The following CREB5 variants were observed in gnomAD, a reference collection of about 807,000 sequenced individuals.
CREB5 encodes cAMP responsive element binding protein 5, also known as cyclic AMP-responsive element-binding protein 5.
In CREB5, 19 loss-of-function variants were observed where a neutral mutation model predicts 57.1. The observed-to-expected ratio is 0.33, with a 90% CI of 0.23 to 0.49. CREB5 has a LOEUF of 0.49. Ranked by LOEUF, CREB5 falls within the 20% of genes least tolerant of loss-of-function variation. The pLI is 0.99. For missense variants in CREB5, 579 were observed against 671.6 expected, an observed-to-expected ratio of 0.86 and a Z score of 1.52; for synonymous variants, 238 against 238.3, an observed-to-expected ratio of 1.00 and a Z score of 0.01.
At chr7:28,620,285 G>A (rs1454829781) in intron 5 of CREB5, among the ~76,000 whole-genome samples, 1 of 152,062 alleles carries the variant, frequency 6.6e-6, no homozygotes, top group Non-Finnish European at 1.5e-5. Context: ...ACCCAGGCTG[G>A]TCCTTTAATT....
chr7:28,736,313 G>A (rs946664330), intron 7 of CREB5, among the ~76,000 whole-genome samples: 1 of 152,162 alleles, frequency 6.6e-6, no homozygotes, highest in East Asian at 1.9e-4. Flanking sequence ...GGGATTACAG[G>A]CATGCACCAC....
At chr7:28,727,474 G>A (rs1396314463) in intron 7 of CREB5, among the ~76,000 whole-genome samples, 1 of 152,038 alleles carries the variant, frequency 6.6e-6, no homozygotes, top group Admixed American at 6.6e-5. Context: ...GAAGGGGTAG[G>A]GGAAATGCAA....
chr7:28,419,024 G>T (rs897216289), intron 1 of CREB5, among the ~76,000 whole-genome samples: 2 of 152,206 alleles, frequency 1.3e-5, no homozygotes, highest in African/African-American at 4.8e-5. Context: ...CATGTAGCTG[G>T]ATTGATTAGT....
chr7:28,765,929 T>A (rs1319130833), intron 7 of CREB5, among the ~76,000 whole-genome samples: 1 of 152,218 alleles, frequency 6.6e-6, no homozygotes, highest in Non-Finnish European at 1.5e-5. Context: ...AAGTTGTCAC[T>A]GACTCTAATC....
chr7:28,450,704 G>A (rs1789751538), intron 1 of CREB5, among the ~76,000 whole-genome samples: 1 of 152,206 alleles, frequency 6.6e-6, no homozygotes, highest in Non-Finnish European at 1.5e-5. Context: ...ACACAGGGTG[G>A]CAGGAGATAA....
chr7:28,564,495 G>A (rs1795405780), intron 4 of CREB5, among the ~76,000 whole-genome samples: 1 of 152,184 alleles, frequency 6.6e-6, no homozygotes, highest in East Asian at 1.9e-4. Flanking sequence ...CATGCATGCA[G>A]AAAGACAATT....
At chr7:28,626,435 G>A (rs1335372625) in intron 5 of CREB5, among the ~76,000 whole-genome samples, 1 of 152,148 alleles carries the variant, frequency 6.6e-6, no homozygotes, top group Non-Finnish European at 1.5e-5. Context: ...CCCATGAGGT[G>A]TGTTATTATG....
At chr7:28,464,546 G>A (rs1219979699) in intron 1 of CREB5, among the ~76,000 whole-genome samples, 2 of 136,600 alleles carry the variant, frequency 1.5e-5, no homozygotes, top group Non-Finnish European at 3.1e-5. Flanking sequence ...TGTTACTAAT[G>A]CAATCTCTTT....
At chr7:28,555,214 A>G (rs1311433331) in intron 4 of CREB5, among the ~76,000 whole-genome samples, 2 of 152,118 alleles carry the variant, frequency 1.3e-5, no homozygotes, top group African/African-American at 2.4e-5. Flanking sequence ...GGAGCAACAT[A>G]CAAGACAAAG....
chr7:28,718,289 G>T (rs1428612753), intron 5 of CREB5, among the ~76,000 whole-genome samples: 1 of 152,262 alleles, frequency 6.6e-6, no homozygotes, highest in Non-Finnish European at 1.5e-5. Context: ...AATGAAGTTT[G>T]CTCTGAAAAT....
At chr7:28,571,585 G>A (rs149310728) in intron 5 of CREB5, among the ~76,000 whole-genome samples, 98 of 152,310 alleles carry the variant, frequency 6.4e-4, no homozygotes, top group Non-Finnish European at 1.2e-3. Context: ...GTCATGTGAT[G>A]GAAAGAGCTT....
intron 1 of CREB5, among the ~76,000 whole-genome samples, chr7:28,323,477 C>T (rs770174655): frequency 6.6e-6 from 1 of 152,148 alleles, no homozygotes; most frequent in Non-Finnish European, 1.5e-5. Flanking sequence ...AGTTAATCTA[C>T]CCATACCCTT....
At chr7:28,451,913 T>C (rs1789835964) in intron 1 of CREB5, among the ~76,000 whole-genome samples, 1 of 152,206 alleles carries the variant, frequency 6.6e-6, no homozygotes, top group African/African-American at 2.4e-5. Flanking sequence ...CATTTTAAAG[T>C]ATATTCACAT....
Position 28,819,211 on chromosome 7 carries a change from G to A in CREB5, c.1459G>A (p.Glu487Lys), listed in dbSNP as rs200048042. Reference sequence around the variant, plus strand: ...CATCACTACTTCCTCATCGGTCAGCGAGGTGGTAGGAAGCTCCACCCTCAG... The same window carrying A: ...CATCACTACTTCCTCATCGGTCAGCAAGGTGGTAGGAAGCTCCACCCTCAG... The part of the protein sequence containing the change: ...NTITTSSSVS[E>K]VVGSSTLSQL... The change falls in exon 11 of 11, where the codon GAG (glutamate) becomes AAG (lysine). Residue 487 changes from glutamate (E) to lysine (K), a missense_variant. By Grantham distance (56) the Glu-to-Lys change is moderately conservative. Transcript: ENST00000357727. 19 of 1,613,734 alleles carry A rather than the reference G, an allele frequency of 1.2e-5. No homozygotes were observed. The highest frequency in any genetic ancestry group is 5.0e-5 in the Admixed American group (3 of 59,964).
chr7:28,704,196 A>T (rs1169095187), intron 5 of CREB5, among the ~76,000 whole-genome samples: 1 of 152,226 alleles, frequency 6.6e-6, no homozygotes, highest in Non-Finnish European at 1.5e-5. Flanking sequence ...CTAGTGCACA[A>T]AGAGTGAAAC....
At chr7:28,330,336 C>T (rs994407574) in intron 1 of CREB5, among the ~76,000 whole-genome samples, 4 of 150,748 alleles carry the variant, frequency 2.7e-5, no homozygotes, top group African/African-American at 9.8e-5. Context: ...TAAACTCTCT[C>T]CTTATGTAAA....
At chr7:28,508,183 C>G (rs1252612649) in intron 4 of CREB5, among the ~76,000 whole-genome samples, 1 of 152,132 alleles carries the variant, frequency 6.6e-6, no homozygotes, top group Non-Finnish European at 1.5e-5. Context: ...TTACCTTGTT[C>G]TAGTATTGAA....
chr7:28,656,048 A>G (rs963086720), intron 5 of CREB5, among the ~76,000 whole-genome samples: 3 of 152,228 alleles, frequency 2.0e-5, no homozygotes, highest in African/African-American at 7.2e-5. Flanking sequence ...AGCATATTGA[A>G]TATAATTTTT....
intron 4 of CREB5, among the ~76,000 whole-genome samples, chr7:28,558,321 G>A (rs1350762268): frequency 6.6e-6 from 1 of 152,174 alleles, no homozygotes; most frequent in Non-Finnish European, 1.5e-5. Context: ...GGTAGAAATA[G>A]GCTGCTGAAT....
Sources: gnomAD v4.1 joint callset for allele counts (sites outside exome capture counted in the v4.1 genomes callset) on GRCh38, gnomAD v4.1.1 for gene constraint, MANE v1.5 for transcripts, NCBI Gene and HGNC (gene_info 2026-07-23, HGNC 2026-07-21) for gene names.